The following EI24 variants were observed in gnomAD, a reference collection of about 807,000 sequenced individuals.
EI24 encodes the protein etoposide-induced protein 2.4 homolog.
Under a neutral mutation model 48.6 loss-of-function variants are expected in EI24, and 21 were observed. The ratio of observed to expected loss-of-function variants is 0.43; its 90% CI spans 0.31 to 0.62. The LOEUF (loss-of-function observed/expected upper bound fraction) is 0.62. EI24 is among the 20% of genes least tolerant of loss of function. The pLI, the probability that EI24 is intolerant of heterozygous loss-of-function variation, is 0.10. For synonymous variants in EI24, 114 were observed against 145.5 expected (o/e 0.78, Z 1.56); for missense variants, 280 against 410.5 (o/e 0.68, Z 2.75).
chr11:125,582,247 T>A, intron 9 of EI24, 99 bp from the exon 10 acceptor site: 1 of 1,137,200 alleles, frequency 8.8e-7, no homozygotes, highest in East Asian at 2.6e-5. Flanking sequence ...CCATAATGTT[T>A]ACACTGGAAG....
intron 3 of EI24, chr11:125,575,784 A>ATTTTT: frequency 2.1e-5 from 4 of 186,652 alleles, no homozygotes; most frequent in Admixed American, 1.2e-4. Context: ...ATATATACAC[A>ATTTTT]TTTTTTTTTT....
At chr11:125,573,440 G>T in intron 2 of EI24, 1 of 211,700 alleles carries the variant, frequency 4.7e-6, no homozygotes, top group South Asian at 5.7e-5. Context: ...TTTAGTGGAA[G>T]AGTTTAAAAG....
Position 125,569,583 on chromosome 11 carries a change from G to A in EI24, c.-71+10G>A. The A allele has an allele frequency of 5.4e-6, 2 of 368,944 alleles. No individual in the cohort carries two copies. The highest frequency in any genetic ancestry group is 9.7e-6 in the Non-Finnish European group (2 of 207,062). 22.9% of individuals were successfully genotyped at this position (368,944 alleles called of 1,614,324 possible). A position where few individuals can be genotyped will look rare whatever the true frequency, so the allele number is the denominator to read the frequency against. The stretch of plus-strand genomic sequence containing the variant: ...GGCGGCGGAGCTGTGGGTAGGTGCG[G>A]GCTCAGCCGAGCTAGGCCTCGGGGC... On this transcript the variant is annotated intron_variant, in intron 1 of 10. Transcript: ENST00000278903.
intron 3 of EI24, chr11:125,575,936 G>A (rs749707736): frequency 7.8e-6 from 3 of 387,022 alleles, no homozygotes; most frequent in Non-Finnish European, 1.5e-5. Flanking sequence ...GTACAGGTGC[G>A]CACCACCACG....
At chr11:125,575,227 AAAT>A (rs753141659) in intron 2 of EI24, 33 bp from the exon 3 acceptor site, 2,499 of 1,465,630 alleles carry the variant, frequency 1.7e-3, no homozygotes, top group Middle Eastern at 3.1e-3. Context: ...ACCCTGTCTC[AAAT>A]AATAATAATA....
At chr11:125,578,760 T>C (rs777705770) in intron 6 of EI24, among the ~76,000 whole-genome samples, 189 bp from the exon 7 acceptor site, 39 of 151,994 alleles carry the variant, frequency 2.6e-4, no homozygotes, top group Non-Finnish European at 5.4e-4. Context: ...AGCCACGGCA[T>C]AAGGCAGCAA....
chr11:125,572,053 G>A (rs1431045547), intron 1 of EI24, among the ~76,000 whole-genome samples: 2 of 152,100 alleles, frequency 1.3e-5, no homozygotes, highest in African/African-American at 4.8e-5. Context: ...AAGGTATCCA[G>A]CAAACATAAA....
chr11:125,575,473 G>A, intron 3 of EI24, 65 bp downstream of exon 3: 1 of 1,418,990 alleles, frequency 7.0e-7, no homozygotes, highest in Non-Finnish European at 9.4e-7. Flanking sequence ...GTGACTTGAT[G>A]TTTCAGTGCC....
At chr11:125,571,201 G>C (rs1488186949) in intron 1 of EI24, among the ~76,000 whole-genome samples, 1 of 152,176 alleles carries the variant, frequency 6.6e-6, no homozygotes. Flanking sequence ...TTTAAGGTTT[G>C]TACAAGCTGC....
At position 125,584,540 on chromosome 11, in the gene EI24, A is replaced by T. The variant is rs1939157856; in HGVS notation, c.*857A>T. The T allele has an allele frequency of 6.6e-6, 1 of 152,660 alleles. No homozygotes were observed. Among genetic ancestry groups the T allele is most frequent in the Non-Finnish European group, 1.5e-5 (1 of 68,044 alleles). The allele number at this position is 152,660 out of a possible 1,614,324, so 9.5% of individuals were successfully genotyped here. On this transcript the variant is annotated 3_prime_UTR_variant, in exon 11 of 11. Transcript: ENST00000278903. ...ATTTCAAAGGAATATTGGGTGCTGCATATAGGAACTGAAGGGGTCAATGTA... is the reference window on the plus strand; with the variant it reads ...ATTTCAAAGGAATATTGGGTGCTGCTTATAGGAACTGAAGGGGTCAATGTA...
At chr11:125,574,176 C>T (rs1418093530) in intron 2 of EI24, among the ~76,000 whole-genome samples, 1 of 151,790 alleles carries the variant, frequency 6.6e-6, no homozygotes, top group Non-Finnish European at 1.5e-5. Context: ...TCGTTTGAAC[C>T]TGGGAGGTAG....
At chr11:125,576,069 C>T (rs897236994) in intron 3 of EI24, 186 bp from the exon 4 acceptor site, 6 of 616,384 alleles carry the variant, frequency 9.7e-6, no homozygotes, top group East Asian at 5.8e-5. Flanking sequence ...GGATTACAGC[C>T]GTGAGCCACT....
Position 125,580,072 on chromosome 11 carries a change from T to A in EI24, c.562-21T>A, listed in dbSNP as rs756767111. ...GGTTTCCGAGGCTTTGGGATTAAGA[T>A]TTTCCATATTTGTTCTTCAGGGAAT... On this transcript the variant is annotated intron_variant, in intron 7 of 10. Coordinates refer to ENST00000278903, the MANE Select transcript of EI24 (RefSeq NM_004879.5). 7 of 1,584,614 alleles carry A rather than the reference T, an allele frequency of 4.4e-6. No homozygotes were observed. The Admixed American group carries it at 6.7e-5, about 15-fold the overall frequency.
intron 3 of EI24, 95 bp from the exon 4 acceptor site, chr11:125,576,160 A>C: frequency 8.4e-7 from 1 of 1,192,724 alleles, no homozygotes; most frequent in Non-Finnish European, 1.2e-6. Flanking sequence ...AAAATAATAC[A>C]GTACCCACAA....
rs761160071 is a variant in EI24 at position 125,581,248 on chromosome 11, G to C, written c.711G>C (p.Arg237Ser). ...EMHQRLSNIE[R>S]NWPYYFGFGL... is the part of the protein sequence containing the mutation. ...ACCAGCGGTTGTCTAACATAGAAAGGAATTGGCCTTACTACTTTGGGTTTG... is the reference window on the plus strand; with the variant it reads ...ACCAGCGGTTGTCTAACATAGAAAGCAATTGGCCTTACTACTTTGGGTTTG... The change falls in exon 9 of 11, where the codon AGG becomes AGC. Residue 237 changes from arginine to serine, a missense_variant. This residue lies in a region of EI24 where 204 missense variants were observed against 294.1 expected (regional missense o/e 0.69). Coordinates refer to ENST00000278903, the MANE Select transcript of EI24 (RefSeq NM_004879.5). 1 of 1,612,524 alleles carries C rather than the reference G, an allele frequency of 6.2e-7. No homozygotes were observed. The highest frequency in any genetic ancestry group is 8.5e-7 in the Non-Finnish European group (1 of 1,179,054).
At position 125,580,117 on chromosome 11, in the gene EI24, A is replaced by G. The variant is rs768642013; in HGVS notation, c.586A>G (p.Ile196Val). 5.6e-6 allele frequency: 9 copies of G among 1,613,644 alleles called. No homozygotes were observed. The highest frequency in any genetic ancestry group is 5.0e-5 in the Admixed American group (3 of 60,002). The change falls in exon 8 of 11, where the codon ATC becomes GTC. Residue 196 changes from isoleucine (I) to valine (V), a missense_variant. Ile to Val is a conservative substitution (Grantham distance 29, BLOSUM62 3). This residue lies in a region of EI24 where 204 missense variants were observed against 294.1 expected (regional missense o/e 0.69). Coordinates refer to ENST00000278903, the MANE Select transcript of EI24 (RefSeq NM_004879.5). ...GGGAATGTTTGTGAGTCTCTTTCCC[A>G]TCCATCTTGTCGGTCAGCTGGTTAG... is the stretch of plus-strand genomic sequence containing the variant. ...IQGMFVSLFP[I>V]HLVGQLVSLL... is the part of the protein sequence containing the mutation.
chr11:125,569,499 C>A lies in EI24; in HGVS notation c.-145C>A. 2 of 384,534 alleles carry A rather than the reference C, an allele frequency of 5.2e-6. No homozygotes were observed. The highest frequency in any genetic ancestry group is 9.2e-6 in the Non-Finnish European group (2 of 216,950). 23.8% of individuals were successfully genotyped at this position (384,534 alleles called of 1,614,324 possible). A position where few individuals can be genotyped will look rare whatever the true frequency, so the allele number is the denominator to read the frequency against. ...CCCAGTGCGGGCGCAGCGGCCCCGG[C>A]CCTGGAAGCGCCCCGGCGGAGCTGG... On this transcript the variant is annotated 5_prime_UTR_variant, in exon 1 of 11. Coordinates refer to ENST00000278903, the MANE Select transcript of EI24 (RefSeq NM_004879.5).
intron 7 of EI24, 113 bp from the exon 8 acceptor site, chr11:125,579,980 G>A: frequency 1.2e-6 from 1 of 865,818 alleles, no homozygotes; most frequent in Admixed American, 1.9e-5. Context: ...CGGCCTTTTA[G>A]AAACTTGAGA....
Position 125,583,741 on chromosome 11 carries a change from C to A in EI24, c.*58C>A. The A allele has an allele frequency of 6.3e-7, 1 of 1,577,014 alleles. No individual in the cohort carries two copies. Among genetic ancestry groups the A allele is most frequent in the Non-Finnish European group, 8.6e-7 (1 of 1,161,154 alleles). On this transcript the variant is annotated 3_prime_UTR_variant, in exon 11 of 11. Coordinates refer to ENST00000278903, the MANE Select transcript of EI24 (RefSeq NM_004879.5). Reference sequence around the variant, plus strand: ...TGGAAGAAGCTGTGGCAGCTCTTTTCCCTGTTCACCTCCCGCCTGCCAGGG... The same window carrying A: ...TGGAAGAAGCTGTGGCAGCTCTTTTACCTGTTCACCTCCCGCCTGCCAGGG...
Sources: gnomAD v4.1 joint callset for allele counts (sites outside exome capture counted in the v4.1 genomes callset) on GRCh38, gnomAD v4.1.1 for gene constraint, gnomAD v4.1.1 regional missense constraint, MANE v1.5 for transcripts, NCBI Gene and HGNC (gene_info 2026-07-23, HGNC 2026-07-21) for gene names.